REV3L: variants seen among roughly 807,000 people sequenced by gnomAD.
REV3L encodes DNA polymerase zeta catalytic subunit.
REV3L carries 69 observed loss-of-function variants against 299.4 expected under a neutral mutation model. The observed-to-expected ratio is 0.23, with a 90% CI of 0.19 to 0.28. The LOEUF is 0.28. Among genes scored for constraint, REV3L ranks in the 10% least tolerant of loss-of-function variants. The pLI, the probability that REV3L is intolerant of heterozygous loss-of-function variation, is 1.00. For synonymous variants in REV3L, 1,238 were observed against 1,271.4 expected, an observed-to-expected ratio of 0.97 and a Z score of 0.56; for missense variants, 3,128 against 3,693.8, an observed-to-expected ratio of 0.85 and a Z score of 3.97.
intron 22 of REV3L, among the ~76,000 whole-genome samples, chr6:111,334,991 T>C (rs892100296): frequency 6.6e-6 from 1 of 152,196 alleles, no homozygotes; most frequent in Non-Finnish European, 1.5e-5. Context: ...TTAGTAAAAA[T>C]CTCTCATTAT....
chr6:111,322,502 AT>A, intron 26 of REV3L, 66 bp downstream of exon 26: 1 of 1,211,138 alleles, frequency 8.3e-7, no homozygotes, highest in Non-Finnish European at 1.2e-6. Context: ...CCCTTAAGCC[AT>A]TTTAAACACT....
At chr6:111,349,091 TTAAGTA>T (rs1451406388) in intron 20 of REV3L, 121 bp downstream of exon 20, 33 of 560,114 alleles carry the variant, frequency 5.9e-5, no homozygotes, top group African/African-American at 5.8e-4. Context: ...TTAACTCTAC[TTAAGTA>T]TAACAGTAAT....
chr6:111,388,246 G>A (rs1781542322), intron 7 of REV3L, among the ~76,000 whole-genome samples, 161 bp from the exon 8 acceptor site: 1 of 152,038 alleles, frequency 6.6e-6, no homozygotes, highest in Non-Finnish European at 1.5e-5. Flanking sequence ...ACACAAAAGA[G>A]AAACGGTTGT....
chr6:111,374,129 G>T lies in REV3L; in HGVS notation c.4226C>A (p.Ser1409Ter). The T allele has an allele frequency of 6.2e-7, 1 of 1,614,096 alleles. No individual in the cohort carries two copies. Among genetic ancestry groups the T allele is most frequent in the South Asian group, 1.1e-5 (1 of 91,060 alleles). Residue 1409 changes from serine (S) to a stop codon, truncating the protein, a stop_gained, in exon 13 of 32, where the codon TCA becomes TAA. Transcript: ENST00000368802. LOFTEE classifies it high-confidence loss of function. ...AGGGGTATATGCTTGGTCCAGCTTT[G>T]ATTCTAGGGAATTGCGATATTCACT... ...KLSEYRNSLE[S>*]KLDQAYTPNF...
chr6:111,391,036 T>A (rs1282987291), intron 5 of REV3L, among the ~76,000 whole-genome samples: 1 of 152,068 alleles, frequency 6.6e-6, no homozygotes, highest in Non-Finnish European at 1.5e-5. Context: ...ATGACATATT[T>A]CATTAACTTT....
chr6:111,375,817 T>A lies in REV3L; in HGVS notation c.2538A>T (p.Lys846Asn). ...KLAGHQETST[K>N]SSETGSTKDN... is the part of the protein sequence containing the mutation. ...CTTTTGTGGATCCAGTCTCACTACTTTTGGTAGAAGTCTCCTGATGACCTG... is the reference window on the plus strand; with the variant it reads ...CTTTTGTGGATCCAGTCTCACTACTATTGGTAGAAGTCTCCTGATGACCTG... Residue 846 changes from lysine (K) to asparagine (N), a missense_variant, in exon 13 of 32, where the codon AAA becomes AAT. Physicochemically the swap from Lys to Asn is moderately conservative, Grantham distance 94 (BLOSUM62 0). Around this residue, in one of 9 missense-constraint regions of REV3L, gnomAD observed 2,409 missense variants for 2,611.8 expected, o/e 0.92. Transcript: ENST00000368802. 6.2e-7 allele frequency: 1 copy of A among 1,613,540 alleles called. No homozygotes were observed. The highest frequency in any genetic ancestry group is 8.5e-7 in the Non-Finnish European group (1 of 1,179,774).
chr6:111,393,041 A>T lies in REV3L; in HGVS notation c.566-69T>A, dbSNP rs1030386750. The T allele has an allele frequency of 7.5e-6, 9 of 1,201,798 alleles. No homozygotes were observed. The Admixed American group carries it at 1.8e-4, about 23-fold the overall frequency. 74.4% of individuals were successfully genotyped at this position (1,201,798 alleles called of 1,614,324 possible). ...TCATATAATTACTTTTTAGAAGGTA[A>T]ATTTTTTTTTTTTTGAGATGGAGTC... On this transcript the variant is annotated intron_variant, in intron 4 of 31. Transcript: ENST00000368802.
chr6:111,359,521 A>G (rs893131893), intron 16 of REV3L, among the ~76,000 whole-genome samples: 2 of 4,324 alleles, frequency 4.6e-4, no homozygotes, highest in Admixed American at 3.1e-3. Flanking sequence ...GTTTTTCCTG[A>G]AAAAAAAAAA....
At chr6:111,392,401 C>CA (rs1251916738) in intron 5 of REV3L, among the ~76,000 whole-genome samples, 3 of 151,470 alleles carry the variant, frequency 2.0e-5, no homozygotes, top group Non-Finnish European at 4.4e-5. Flanking sequence ...ATACTGCCTC[C>CA]AAAAAAAATC....
chr6:111,465,765 A>C (rs982753557), intron 1 of REV3L, among the ~76,000 whole-genome samples: 3 of 133,148 alleles, frequency 2.3e-5, no homozygotes, highest in Non-Finnish European at 5.4e-5. Flanking sequence ...AAAAAAAAAA[A>C]ACTTTGTTTA....
intron 22 of REV3L, among the ~76,000 whole-genome samples, chr6:111,333,970 G>T (rs779285305): frequency 6.6e-6 from 1 of 151,540 alleles, no homozygotes; most frequent in Non-Finnish European, 1.5e-5. Flanking sequence ...ATGAAGTCTC[G>T]CTCTGTTGTC....
chr6:111,452,531 T>C (rs562499252), intron 1 of REV3L, among the ~76,000 whole-genome samples: 12 of 152,282 alleles, frequency 7.9e-5, no homozygotes, highest in African/African-American at 2.9e-4. Flanking sequence ...ACAATGTGGA[T>C]GACACTTAAC....
chr6:111,371,675 T>C (rs1367908554), intron 13 of REV3L, among the ~76,000 whole-genome samples: 2 of 152,072 alleles, frequency 1.3e-5, no homozygotes, highest in African/African-American at 2.4e-5. Flanking sequence ...GTGATTCTCC[T>C]GTCTCAGCCT....
intron 31 of REV3L, among the ~76,000 whole-genome samples, chr6:111,304,714 T>C (rs900701364): frequency 6.6e-6 from 1 of 151,356 alleles, no homozygotes; most frequent in Non-Finnish European, 1.5e-5. Flanking sequence ...CTGTTGCCCA[T>C]GCAGTAAATG....
At position 111,434,314 on chromosome 6, in the gene REV3L, C is replaced by A. The variant is rs758703590; in HGVS notation, c.140-17842G>T. Among the ~76,000 whole-genome samples the A allele has an allele frequency of 3.9e-5, 6 of 152,238 alleles. No individual in the cohort carries two copies. The East Asian group carries it at 1.2e-3, about 29-fold the overall frequency. ...AGCCTGAGGAACTCAACCAAAAAAA[C>A]TGTTAAAAATGATTAATGGTCCGGG... On this transcript the variant is annotated intron_variant, in intron 1 of 31. Coordinates refer to ENST00000368802, the MANE Select transcript of REV3L (RefSeq NM_001372078.1).
At chr6:111,377,565 G>T in intron 12 of REV3L, 136 bp downstream of exon 12, 2 of 881,326 alleles carry the variant, frequency 2.3e-6, no homozygotes, top group Non-Finnish European at 3.4e-6. Flanking sequence ...TCGAACTCCT[G>T]AATTCAAGTG....
At chr6:111,349,026 C>T (rs1777316786) in intron 20 of REV3L, 192 bp downstream of exon 20, 2 of 378,232 alleles carry the variant, frequency 5.3e-6, no homozygotes, top group Non-Finnish European at 9.4e-6. Flanking sequence ...AAAAAACTCA[C>T]TTAAAACATT....
At position 111,378,006 on chromosome 6, in the gene REV3L, TA is replaced by T. The variant is rs577206930; in HGVS notation, c.1455-164del. On this transcript the variant is annotated intron_variant, in intron 11 of 31. Coordinates refer to ENST00000368802, the MANE Select transcript of REV3L (RefSeq NM_001372078.1). Reference sequence around the variant, plus strand: ...AACAATACAAAAAATCTGAAAATTGTAACTTCTAGAAAAGCATATTTACTTT... The same window carrying T: ...AACAATACAAAAAATCTGAAAATTGTACTTCTAGAAAAGCATATTTACTTT... 8.5e-5 allele frequency among the ~76,000 whole-genome samples: 13 copies of T among 152,352 alleles called. No individual in the cohort carries two copies. In the South Asian group the frequency reaches 2.7e-3, roughly 32 times the overall value.
intron 1 of REV3L, among the ~76,000 whole-genome samples, chr6:111,472,320 G>C (rs1792322643): frequency 6.6e-6 from 1 of 151,832 alleles, no homozygotes; most frequent in Non-Finnish European, 1.5e-5. Flanking sequence ...AAATATATAT[G>C]CAAAATAATA....
Sources: allele counts gnomAD v4.1 joint callset (sites outside exome capture counted in the v4.1 genomes callset), GRCh38; gene constraint gnomAD v4.1.1; regional missense constraint gnomAD v4.1.1; transcripts MANE v1.5; gene names NCBI Gene and HGNC (gene_info 2026-07-23, HGNC 2026-07-21).